Variants in NKX2-6 observed in about 807,000 individuals in gnomAD.
NKX2-6 encodes the protein homeobox protein Nkx-2.6.
In NKX2-6, 8 loss-of-function variants were observed where a neutral mutation model predicts 8.6. That is an observed-to-expected ratio of 0.93 (90% confidence interval 0.54 to 1.67). The LOEUF is 1.67. Among genes scored for constraint, NKX2-6 ranks in the 40% most tolerant of loss-of-function variants. NKX2-6 has a pLI of 0.00. For synonymous variants in NKX2-6, 210 were observed against 199.3 expected, an observed-to-expected ratio of 1.05 and a Z score of -0.45; for missense variants, 475 against 423.1, an observed-to-expected ratio of 1.12 and a Z score of -1.08.
chr8:23,705,351 C>T (rs984502138), intron 1 of NKX2-6, among the ~76,000 whole-genome samples: 3 of 152,330 alleles, frequency 2.0e-5, no homozygotes, highest in African/African-American at 7.2e-5. Flanking sequence ...TTCTTTCGTT[C>T]GCGCCTTGAA....
At position 23,702,560 on chromosome 8, in the gene NKX2-6, C is replaced by A; in HGVS notation, c.797G>T (p.Gly266Val). The change falls in exon 2 of 2, where the codon GGT becomes GTT. Residue 266 changes from glycine (G) to valine (V), a missense_variant. By Grantham distance (109) the Gly-to-Val change is moderately radical. Coordinates refer to ENST00000325017, the MANE Select transcript of NKX2-6 (RefSeq NM_001136271.3). ...GGCCAGTGGTGTGTGTGGCGCAGGA[C>A]CCGAGGGCGCGCCCGCGTAGCAGGT... The part of the protein sequence containing the change: ...YGTCYAGAPS[G>V]PAPHTPLASA... 1 of 1,543,712 alleles carries A rather than the reference C, an allele frequency of 6.5e-7. No homozygotes were observed.
chr8:23,702,817 G>A lies in NKX2-6; in HGVS notation c.540C>T (p.Phe180=). The change falls in exon 2 of 2, where the codon TTC becomes TTT. Residue 180 remains phenylalanine (F), a synonymous_variant. Transcript: ENST00000325017. ...TCTTGCATTTGTAGCGTCGGTTCTG[G>A]AACCAGATCTTGACCTGCGTGGACG... ...QLTSTQVKIW[F]QNRRYKCKRQ... 6.4e-7 allele frequency: 1 copy of A among 1,572,642 alleles called. No homozygotes were observed.
Position 23,702,562 on chromosome 8 carries a change from C to A in NKX2-6, c.795G>T (p.Ser265=), listed in dbSNP as rs1027234661. ...GYGTCYAGAP[S]GPAPHTPLAS... is the part of the protein sequence containing the mutation. ...CCAGTGGTGTGTGTGGCGCAGGACC[C>A]GAGGGCGCGCCCGCGTAGCAGGTGC... The change falls in exon 2 of 2, where the codon TCG becomes TCT. Residue 265 remains serine, a synonymous_variant. Transcript: ENST00000325017. 1 of 1,543,850 alleles carries A rather than the reference C, an allele frequency of 6.5e-7. No individual in the cohort carries two copies. Among genetic ancestry groups the A allele is most frequent in the African/African-American group, 1.4e-5 (1 of 73,026 alleles).
Position 23,702,598 on chromosome 8 carries a change from G to C in NKX2-6, c.759C>G (p.Gly253=). 7 of 1,546,684 alleles carry C rather than the reference G, an allele frequency of 4.5e-6. No individual in the cohort carries two copies. The highest frequency in any genetic ancestry group is 1.4e-5 in the African/African-American group (1 of 73,132). The part of the protein sequence containing the change: ...CYGGYSGAPY[G]AGYGTCYAGA... The stretch of plus-strand genomic sequence containing the variant: ...CCGCGTAGCAGGTGCCGTAGCCTGC[G>C]CCGTAGGGTGCTCCGCTGTAGCCTC... The change falls in exon 2 of 2, where the codon GGC becomes GGG. Residue 253 remains glycine (G), a synonymous_variant. Coordinates refer to ENST00000325017, the MANE Select transcript of NKX2-6 (RefSeq NM_001136271.3).
In NKX2-6 at chr8:23,706,526, A is replaced by T. The variant is rs1456141935; in HGVS notation, c.73T>A (p.Cys25Ser). ...DILRLERERSCPAASPHPRVR... is the reference protein window; with the variant it reads ...DILRLERERSSPAASPHPRVR... The stretch of plus-strand genomic sequence containing the variant: ...CGCGGATGTGGCGAAGCCGCGGGGC[A>T]GCTCCGCTCGCGCTCCAGTCGCAGG... Residue 25 changes from cysteine (C) to serine (S), a missense_variant, in exon 1 of 2, where the codon TGC (cysteine) becomes AGC (serine). Coordinates refer to ENST00000325017, the MANE Select transcript of NKX2-6 (RefSeq NM_001136271.3). 2.6e-6 allele frequency: 4 copies of T among 1,537,208 alleles called. No homozygotes were observed. Among genetic ancestry groups the T allele is most frequent in the Non-Finnish European group, 3.5e-6 (4 of 1,146,914 alleles).
intron 1 of NKX2-6, among the ~76,000 whole-genome samples, chr8:23,704,864 C>T (rs2117598263): frequency 6.6e-6 from 1 of 152,342 alleles, no homozygotes. Context: ...TGGGCCAGCA[C>T]CCTGCGCCCT....
chr8:23,705,440 G>T (rs1439569847), intron 1 of NKX2-6, among the ~76,000 whole-genome samples: 1 of 152,220 alleles, frequency 6.6e-6, no homozygotes, highest in East Asian at 1.9e-4. Flanking sequence ...TGAGAATGCC[G>T]AGTGAGGTGC....
chr8:23,704,082 CTT>C (rs1308217824), intron 1 of NKX2-6, among the ~76,000 whole-genome samples: 2 of 152,174 alleles, frequency 1.3e-5, no homozygotes, highest in Non-Finnish European at 2.9e-5. Flanking sequence ...TGTGCACACT[CTT>C]GTCTTTTTGA....
Position 23,706,332 on chromosome 8 carries a change from C to T in NKX2-6, c.267G>A (p.Gly89=). Residue 89 remains glycine, a synonymous_variant, in exon 1 of 2, where the codon GGG becomes GGA. Transcript: ENST00000325017. The part of the protein sequence containing the change: ...AVLEMDAERM[G]EPQPGLNAAS... ...ACCTGAGCGCTTACTCACGTGGCTC[C>T]CCCATCCGTTCCGCGTCCATCTCCA... 5 of 1,548,976 alleles carry T rather than the reference C, an allele frequency of 3.2e-6. No individual in the cohort carries two copies. The highest frequency in any genetic ancestry group is 4.4e-6 in the Non-Finnish European group (5 of 1,145,118).
At chr8:23,704,540 G>C (rs1401210786) in intron 1 of NKX2-6, among the ~76,000 whole-genome samples, 2 of 152,212 alleles carry the variant, frequency 1.3e-5, no homozygotes, top group Non-Finnish European at 2.9e-5. Context: ...ATGGCAAGAC[G>C]GGACAGGACT....
intron 1 of NKX2-6, among the ~76,000 whole-genome samples, chr8:23,703,991 C>T (rs1801053487): frequency 1.3e-5 from 2 of 152,274 alleles, no homozygotes; most frequent in South Asian, 2.1e-4. Context: ...TTTTCCTTCG[C>T]AGCCCCAAGC....
chr8:23,705,008 G>C (rs1326227150), intron 1 of NKX2-6, among the ~76,000 whole-genome samples: 2 of 152,176 alleles, frequency 1.3e-5, no homozygotes, highest in Non-Finnish European at 2.9e-5. Flanking sequence ...AGCCGGCCTC[G>C]GGTCCGGCCT....
Position 23,702,836 on chromosome 8 carries a change from G to A in NKX2-6, c.521C>T (p.Thr174Met), listed in dbSNP as rs372045387. ...GTTCTGGAACCAGATCTTGACCTGC[G>A]TGGACGTGAGCTGCAGCGCGCTGGC... ...HLASALQLTSTQVKIWFQNRR... is the reference protein window; with the variant it reads ...HLASALQLTSMQVKIWFQNRR... Residue 174 changes from threonine to methionine, a missense_variant, in exon 2 of 2, where the codon ACG becomes ATG. Thr to Met is a moderately conservative substitution (Grantham distance 81). Transcript: ENST00000325017. 2.8e-4 allele frequency: 447 copies of A among 1,572,622 alleles called. No homozygotes were observed. The highest frequency in any genetic ancestry group is 3.4e-4 in the Non-Finnish European group (395 of 1,158,766).
intron 1 of NKX2-6, among the ~76,000 whole-genome samples, chr8:23,704,012 G>T (rs1398055663): frequency 6.6e-6 from 1 of 152,152 alleles, no homozygotes; most frequent in Non-Finnish European, 1.5e-5. Context: ...GCACTGCAGG[G>T]AACTTGGCTG....
Position 23,702,563 on chromosome 8 carries a change from G to T in NKX2-6, c.794C>A (p.Ser265Ter). 6.5e-7 allele frequency: 1 copy of T among 1,544,070 alleles called. No homozygotes were observed. ...GYGTCYAGAP[S>*]GPAPHTPLAS... ...CAGTGGTGTGTGTGGCGCAGGACCC[G>T]AGGGCGCGCCCGCGTAGCAGGTGCC... The change falls in exon 2 of 2, where the codon TCG becomes TAG. Residue 265 changes from serine to a stop codon, truncating the protein, a stop_gained. Coordinates refer to ENST00000325017, the MANE Select transcript of NKX2-6 (RefSeq NM_001136271.3). LOFTEE classifies it low-confidence loss of function (END_TRUNC).
At position 23,703,852 on chromosome 8, in the gene NKX2-6, AGAGGAAGAGGAG is replaced by A. The variant is rs572128720; in HGVS notation, c.275-782_275-771del. ...AGAGAAAGAAGGAGAAGAAAGAGGAAGAGGAAGAGGAGGAGGAAGAGGAGGAGGAGAAGAAGA... is the reference window on the plus strand; with the variant it reads ...AGAGAAAGAAGGAGAAGAAAGAGGAAGAGGAAGAGGAGGAGGAGAAGAAGA... On this transcript the variant is annotated intron_variant, in intron 1 of 1. Transcript: ENST00000325017. 4.7e-4 allele frequency among the ~76,000 whole-genome samples: 71 copies of A among 152,204 alleles called. 1 individual carries two copies. In the South Asian group the frequency reaches 5.4e-3, roughly 12 times the overall value.
intron 1 of NKX2-6, 46 bp from the exon 2 acceptor site, chr8:23,703,128 C>G: frequency 6.6e-7 from 1 of 1,513,938 alleles, no homozygotes; most frequent in Non-Finnish European, 8.8e-7. Context: ...CTAAGGCTCA[C>G]CTGAGCGGTT....
rs977597161 is a variant in NKX2-6 at position 23,702,961 on chromosome 8, T to C, written c.396A>G (p.Arg132=). 6 of 1,546,542 alleles carry C rather than the reference T, an allele frequency of 3.9e-6. No individual in the cohort carries two copies. In the African/African-American group the frequency reaches 8.2e-5, roughly 21 times the overall value. The change falls in exon 2 of 2, where the codon CGA becomes CGG. Residue 132 remains arginine, a synonymous_variant. Transcript: ENST00000325017. ...GRSEQPKARQ[R]RKPRVLFSQA... ...GCGAAAAGAGCACGCGCGGCTTCCG[T>C]CGTTGCCGCGCCTTGGGCTGCTCCG...
rs1801018990 is a variant in NKX2-6 at position 23,702,465 on chromosome 8, C to T, written c.892G>A (p.Val298Ile). 2.7e-6 allele frequency: 4 copies of T among 1,480,884 alleles called. No individual in the cohort carries two copies. The highest frequency in any genetic ancestry group is 2.7e-6 in the Non-Finnish European group (3 of 1,114,110). The allele number at this position is 1,480,884 out of a possible 1,614,324, so 91.7% of individuals were successfully genotyped here. The stretch of plus-strand genomic sequence containing the variant: ...GCCGAGGAGCCTCACCAGGCCCTGA[C>T]ACCCTGCAGCGTGGCTGCCAGATGG... ...QGHLAATLQG[V>I]RAW The change falls in exon 2 of 2, where the codon GTC becomes ATC. Residue 298 changes from valine to isoleucine, a missense_variant. Physicochemically the swap from Val to Ile is conservative, Grantham distance 29 (BLOSUM62 3). Coordinates refer to ENST00000325017, the MANE Select transcript of NKX2-6 (RefSeq NM_001136271.3).
Sources: gnomAD v4.1 joint callset for allele counts (sites outside exome capture counted in the v4.1 genomes callset) on GRCh38, gnomAD v4.1.1 for gene constraint, MANE v1.5 for transcripts, NCBI Gene and HGNC (gene_info 2026-07-23, HGNC 2026-07-21) for gene names.